Variants in NLGN4X observed in about 807,000 individuals in gnomAD.
NLGN4X encodes neuroligin-4, X-linked.
In NLGN4X, 3 loss-of-function variants were observed where a neutral mutation model predicts 40.3. The ratio of observed to expected loss-of-function variants is 0.07; its 90% CI spans 0.03 to 0.19. The LOEUF is 0.19. Ranked by LOEUF, NLGN4X falls within the 10% of genes least tolerant of loss-of-function variation. The pLI, the probability that NLGN4X is intolerant of heterozygous loss-of-function variation, is 1.00. For synonymous variants in NLGN4X, 270 were observed against 306.8 expected, an observed-to-expected ratio of 0.88 and a Z score of 1.25; for missense variants, 382 against 708.3, an observed-to-expected ratio of 0.54 and a Z score of 5.23.
At chrX:6,009,901 A>C (rs1043514971) in intron 3 of NLGN4X, among the ~76,000 whole-genome samples, 1 of 112,239 alleles carries the variant, frequency 8.9e-6, no homozygotes, top group African/African-American at 3.2e-5. Flanking sequence ...CATCTAAATC[A>C]TAACTCTCTA....
At chrX:5,934,006 TAAG>T (rs745515422) in intron 3 of NLGN4X, among the ~76,000 whole-genome samples, 3 of 111,852 alleles carry the variant, frequency 2.7e-5, no homozygotes, top group South Asian at 7.5e-4. Flanking sequence ...CATAATATTA[TAAG>T]AAGAAGAAAG....
intron 3 of NLGN4X, among the ~76,000 whole-genome samples, chrX:6,026,366 G>T (rs1177298825): frequency 8.9e-6 from 1 of 111,953 alleles, no homozygotes; most frequent in African/African-American, 3.2e-5. Context: ...GCCTAAAATT[G>T]TATCTACTTG....
At chrX:6,109,926 G>T (rs1251503030) in intron 2 of NLGN4X, among the ~76,000 whole-genome samples, 1 of 110,895 alleles carries the variant, frequency 9.0e-6, no homozygotes. Flanking sequence ...TCAGAAATAA[G>T]CCAGATTAGG....
intron 2 of NLGN4X, among the ~76,000 whole-genome samples, chrX:6,089,727 A>G (rs886291318): frequency 2.7e-5 from 3 of 111,934 alleles, no homozygotes; most frequent in Non-Finnish European, 5.6e-5. Context: ...GAGGGCTACA[A>G]AGGAGGTGAT....
chrX:5,925,552 T>A (rs781253977), intron 3 of NLGN4X, among the ~76,000 whole-genome samples: 2 of 109,463 alleles, frequency 1.8e-5, no homozygotes, highest in South Asian at 8.0e-4. Context: ...GGATCTTAAA[T>A]TTTGCATTTC....
intron 1 of NLGN4X, chrX:6,227,690 G>C (rs1015001394): frequency 9.0e-6 from 1 of 111,149 alleles, no homozygotes; most frequent in South Asian, 3.8e-4. Context: ...CGGAGCTACC[G>C]TCATTTCATC....
intron 5 of NLGN4X, 83 bp downstream of exon 5, chrX:5,902,994 A>T: frequency 9.3e-7 from 1 of 1,077,430 alleles, no homozygotes; most frequent in Admixed American, 2.2e-5. Context: ...GTGCTCCTGC[A>T]CGTGGCAGTA....
chrX:6,090,746 G>A (rs187839994), intron 2 of NLGN4X, among the ~76,000 whole-genome samples: 129 of 109,958 alleles, frequency 1.2e-3, no homozygotes, highest in African/African-American at 4.1e-3. Flanking sequence ...GGGTGGTTTC[G>A]CCTCAGAGGC....
rs766176565 is a variant in NLGN4X, at chrX:5,903,152, C to T, written c.1526G>A (p.Ser509Asn). ...GACGTCGTTCTTGGAAAAGTTACAACTGAAGAGCTCGGTGGGACCGATCAT... is the reference window on the plus strand; with the variant it reads ...GACGTCGTTCTTGGAAAAGTTACAATTGAAGAGCTCGGTGGGACCGATCAT... ...IPMIGPTELF[S>N]CNFSKNDVML... The change falls in exon 5 of 6, where the codon AGT (serine) becomes AAT (asparagine). Residue 509 changes from serine (S) to asparagine (N), a missense_variant. Ser to Asn is a conservative substitution (Grantham distance 46). Coordinates refer to ENST00000381095, the MANE Select transcript of NLGN4X (RefSeq NM_181332.3). The T allele has an allele frequency of 4.1e-6, 5 of 1,212,045 alleles. No individual in the cohort carries two copies. The highest frequency in any genetic ancestry group is 4.5e-6 in the Non-Finnish European group (4 of 895,599).
Sources: gnomAD v4.1 joint callset for allele counts (sites outside exome capture counted in the v4.1 genomes callset) on GRCh38, gnomAD v4.1.1 for gene constraint, MANE v1.5 for transcripts, NCBI Gene and HGNC (gene_info 2026-07-23, HGNC 2026-07-21) for gene names.